NEURL1: variants seen among roughly 807,000 people sequenced by gnomAD.
NEURL1 encodes neuralized E3 ubiquitin protein ligase 1.
In NEURL1, 26 loss-of-function variants were observed where a neutral mutation model predicts 41.2. The ratio of observed to expected loss-of-function variants is 0.63; its 90% CI spans 0.46 to 0.87. The LOEUF (loss-of-function observed/expected upper bound fraction) is 0.87, where lower values mean the gene tolerates loss of function less well. Among genes scored for constraint, NEURL1 ranks in the 40% least tolerant of loss-of-function variants. The pLI is 0.00. For missense variants in NEURL1, 761 were observed against 871.1 expected (o/e 0.87, Z 1.59); for synonymous variants, 400 against 402.3 (o/e 0.99, Z 0.07).
At chr10:103,504,534 A>C (rs554320420) in intron 1 of NEURL1, among the ~76,000 whole-genome samples, 1 of 152,256 alleles carries the variant, frequency 6.6e-6, no homozygotes, top group East Asian at 1.9e-4. Context: ...AACATGACTC[A>C]TTGCTGTTGA....
chr10:103,495,883 G>A (rs2033671397), intron 1 of NEURL1, among the ~76,000 whole-genome samples: 1 of 152,198 alleles, frequency 6.6e-6, no homozygotes, highest in Non-Finnish European at 1.5e-5. Context: ...TGAGGCAGGT[G>A]GATCACTTGA....
At chr10:103,535,000 G>A (rs2034661149) in intron 1 of NEURL1, among the ~76,000 whole-genome samples, 1 of 152,118 alleles carries the variant, frequency 6.6e-6, no homozygotes, top group African/African-American at 2.4e-5. Flanking sequence ...TAAAGATTTG[G>A]GCCTGGGAGA....
intron 1 of NEURL1, among the ~76,000 whole-genome samples, chr10:103,509,566 T>A (rs72848941): frequency 1.8e-3 from 275 of 152,334 alleles, no homozygotes; most frequent in Non-Finnish European, 3.1e-3. Flanking sequence ...CACTGGGTGA[T>A]AGGAATTTTT....
chr10:103,512,684 C>T lies in NEURL1; in HGVS notation c.85+18212C>T, dbSNP rs143567952. 1.1e-4 allele frequency among the ~76,000 whole-genome samples: 16 copies of T among 152,256 alleles called. No individual in the cohort carries two copies. In the East Asian group the frequency reaches 2.1e-3, roughly 20 times the overall value. On this transcript the variant is annotated intron_variant, in intron 1 of 5. Coordinates refer to ENST00000369780, the MANE Select transcript of NEURL1 (RefSeq NM_004210.5). Reference sequence around the variant, plus strand: ...CTGTGCTGCTCGGCAGTTTCCCCAGCGCCCGCAGGGTTGGGCTGGGCTCAA... The same window carrying T: ...CTGTGCTGCTCGGCAGTTTCCCCAGTGCCCGCAGGGTTGGGCTGGGCTCAA...
intron 1 of NEURL1, among the ~76,000 whole-genome samples, chr10:103,540,471 G>C (rs955416295): frequency 2.0e-5 from 3 of 151,726 alleles, no homozygotes; most frequent in Admixed American, 1.3e-4. Flanking sequence ...TGTATTTTTA[G>C]TACAGACAGG....
chr10:103,521,159 T>C (rs144343064), intron 1 of NEURL1, among the ~76,000 whole-genome samples: 1,970 of 152,128 alleles, frequency 0.013, 35 homozygotes, highest in African/African-American at 0.044. Flanking sequence ...TTCCTAAAGA[T>C]TGAGGACAGA....
In NEURL1 at chr10:103,523,280, C is replaced by A. The variant is rs2034393531; in HGVS notation, c.85+28808C>A. Among the ~76,000 whole-genome samples the A allele has an allele frequency of 2.0e-5, 3 of 151,748 alleles. No individual in the cohort carries two copies. The South Asian group carries it at 6.3e-4, about 32-fold the overall frequency. ...GACCAGCATGGGCAACATAGTGAGACCCCCATCTTTACAAAAAATAAAAAA... is the reference window on the plus strand; with the variant it reads ...GACCAGCATGGGCAACATAGTGAGAACCCCATCTTTACAAAAAATAAAAAA... On this transcript the variant is annotated intron_variant, in intron 1 of 5. Coordinates refer to ENST00000369780, the MANE Select transcript of NEURL1 (RefSeq NM_004210.5).
chr10:103,565,756 TC>T (rs2035410109), intron 1 of NEURL1, among the ~76,000 whole-genome samples: 1 of 152,186 alleles, frequency 6.6e-6, no homozygotes, highest in Non-Finnish European at 1.5e-5. Context: ...GCTCAAGTGA[TC>T]CTCCCGCCTT....
At chr10:103,507,123 A>C (rs2033965770) in intron 1 of NEURL1, among the ~76,000 whole-genome samples, 1 of 152,186 alleles carries the variant, frequency 6.6e-6, no homozygotes, top group Non-Finnish European at 1.5e-5. Flanking sequence ...GCCCAAGGTC[A>C]TACAGCTGGA....
rs752451079 is a variant in NEURL1, at chr10:103,571,020, C to G, written c.234C>G (p.Leu78=). 22 of 1,614,060 alleles carry G rather than the reference C, an allele frequency of 1.4e-5. No individual in the cohort carries two copies. Among genetic ancestry groups the G allele is most frequent in the Non-Finnish European group, 1.9e-5 (22 of 1,180,010 alleles). The part of the protein sequence containing the change: ...HTKGSQILMD[L]SHKAVKRQAS... ...AGGGCTCCCAGATCCTCATGGACCT[C>G]AGCCACAAGGCTGTCAAGAGGCAGG... The change falls in exon 2 of 6, where the codon CTC becomes CTG. Residue 78 remains leucine, a synonymous_variant. Coordinates refer to ENST00000369780, the MANE Select transcript of NEURL1 (RefSeq NM_004210.5).
In NEURL1 at chr10:103,494,152, A is replaced by T; in HGVS notation, c.-236A>T. The T allele has an allele frequency of 4.6e-6, 2 of 431,056 alleles. No individual in the cohort carries two copies. The highest frequency in any genetic ancestry group is 4.8e-5 in the Admixed American group (1 of 21,032). The allele number at this position is 431,056 out of a possible 1,614,324, so 26.7% of individuals were successfully genotyped here. A position where few individuals can be genotyped will look rare whatever the true frequency, so the allele number is the denominator to read the frequency against. On this transcript the variant is annotated 5_prime_UTR_variant, in exon 1 of 6. An upstream start codon of the reference 5' UTR is lost. Coordinates refer to ENST00000369780, the MANE Select transcript of NEURL1 (RefSeq NM_004210.5). ...GTGGCCCCCGCTCCCGCCACGGGGC[A>T]TGGGAGGCAGGTAGCCCAGCCTGCG...
chr10:103,549,617 C>T (rs1285451251), intron 1 of NEURL1, among the ~76,000 whole-genome samples: 1 of 152,178 alleles, frequency 6.6e-6, no homozygotes, highest in Non-Finnish European at 1.5e-5. Context: ...GCTGATGAGG[C>T]GGCTCATCAA....
At chr10:103,494,721 TG>T (rs2033642532) in intron 1 of NEURL1, 1 of 519,118 alleles carries the variant, frequency 1.9e-6, no homozygotes. Flanking sequence ...CCTCAGGCCA[TG>T]GTCTTAGGCG....
intron 5 of NEURL1, 46 bp downstream of exon 5, chr10:103,589,706 C>CAG (rs1353363867): frequency 6.4e-7 from 1 of 1,571,322 alleles, no homozygotes; most frequent in African/African-American, 1.4e-5. Context: ...TGTGGGACTG[C>CAG]AGCAAGGATG....
Position 103,533,768 on chromosome 10 carries a change from C to T in NEURL1, c.86-37104C>T, listed in dbSNP as rs1459263284. ...AGCCAGGATGGTCTCGATCTGCTGA[C>T]CTTCTGATCCGCCCGCCTTGGCCTC... On this transcript the variant is annotated intron_variant, in intron 1 of 5. Transcript: ENST00000369780. Among the ~76,000 whole-genome samples the T allele has an allele frequency of 9.2e-5, 14 of 152,220 alleles. No homozygotes were observed. The South Asian group carries it at 1.0e-3, about 11-fold the overall frequency.
Position 103,590,450 on chromosome 10 carries a change from G to A in NEURL1, c.*78G>A. The A allele has an allele frequency of 8.1e-7, 1 of 1,239,682 alleles. No individual in the cohort carries two copies. The allele number at this position is 1,239,682 out of a possible 1,614,324, so 76.8% of individuals were successfully genotyped here. The stretch of plus-strand genomic sequence containing the variant: ...CCCAGCTGAGGAACAAGCCAGTGGG[G>A]CCCCTTCTCTTCCTCATTTTGGAAA... On this transcript the variant is annotated 3_prime_UTR_variant, in exon 6 of 6. Transcript: ENST00000369780.
At chr10:103,584,448 C>A in intron 3 of NEURL1, 88 bp from the exon 4 acceptor site, 2 of 826,816 alleles carry the variant, frequency 2.4e-6, no homozygotes, top group Non-Finnish European at 3.3e-6. Flanking sequence ...GGGATTGTAA[C>A]GGTGCGCGCG....
At chr10:103,535,115 T>C (rs1324245312) in intron 1 of NEURL1, among the ~76,000 whole-genome samples, 1 of 152,122 alleles carries the variant, frequency 6.6e-6, no homozygotes, top group Non-Finnish European at 1.5e-5. Context: ...CAAGGGATTG[T>C]GGGGCTTGGC....
At chr10:103,510,946 G>A (rs1393578328) in intron 1 of NEURL1, among the ~76,000 whole-genome samples, 2 of 152,078 alleles carry the variant, frequency 1.3e-5, no homozygotes, top group Non-Finnish European at 2.9e-5. Flanking sequence ...GCCACCCCCC[G>A]CCGCTGTTTC....
Sources: gnomAD v4.1 joint callset for allele counts (sites outside exome capture counted in the v4.1 genomes callset) on GRCh38, gnomAD v4.1.1 for gene constraint, MANE v1.5 for transcripts, NCBI Gene and HGNC (gene_info 2026-07-23, HGNC 2026-07-21) for gene names.